Variants in NAV3 observed in about 807,000 individuals in gnomAD.
The protein encoded by NAV3 is pore membrane and/or filament interacting like protein 1.
Under a neutral mutation model 244.7 loss-of-function variants are expected in NAV3, and 87 were observed. The observed-to-expected ratio is 0.36, with a 90% CI of 0.30 to 0.42. The LOEUF (loss-of-function observed/expected upper bound fraction) is 0.42, where lower values mean the gene tolerates loss of function less well. Among genes scored for constraint, NAV3 ranks in the 20% least tolerant of loss-of-function variants. The pLI is 1.00. For synonymous variants in NAV3, 1,126 were observed against 1,042.2 expected, an observed-to-expected ratio of 1.08 and a Z score of -1.55; for missense variants, 2,663 against 2,893.3, an observed-to-expected ratio of 0.92 and a Z score of 1.83.
chr12:77,973,365 TA>T (rs201806926), intron 5 of NAV3, among the ~76,000 whole-genome samples: 1,612 of 151,372 alleles, frequency 0.011, 11 homozygotes, highest in Non-Finnish European at 0.018. Context: ...CTTTCTGAAT[TA>T]AAAAAAAATA....
intron 12 of NAV3, among the ~76,000 whole-genome samples, chr12:78,114,871 A>G (rs1290850616): frequency 1.3e-5 from 2 of 152,218 alleles, no homozygotes; most frequent in Non-Finnish European, 2.9e-5. Context: ...TGAATTATAA[A>G]TGTCATGGAT....
intron 2 of NAV3, among the ~76,000 whole-genome samples, chr12:77,753,199 AAATC>A (rs535866433): frequency 2.0e-3 from 309 of 152,332 alleles, no homozygotes; most frequent in Non-Finnish European, 3.7e-3. Flanking sequence ...TTTACCTGCC[AAATC>A]AATCCATGTA....
At chr12:77,708,329 T>G (rs1875934796) in intron 2 of NAV3, among the ~76,000 whole-genome samples, 1 of 152,170 alleles carries the variant, frequency 6.6e-6, no homozygotes, top group Non-Finnish European at 1.5e-5. Context: ...TTTCCCCATT[T>G]CTTGTTTTTG....
chr12:77,979,716 A>G (rs1168625423), intron 5 of NAV3, among the ~76,000 whole-genome samples: 3 of 150,628 alleles, frequency 2.0e-5, no homozygotes, highest in Admixed American at 6.6e-5. Context: ...AAAAAAGAAA[A>G]AAAAAAAAAA....
chr12:78,073,362 C>T lies in NAV3; in HGVS notation c.2636+14247C>T, dbSNP rs1043375823. ...AGTCTCAGGATACAAAATCAATGTA[C>T]AAAAATCACAAGCATTCTTATACAC... On this transcript the variant is annotated intron_variant, in intron 12 of 39. Coordinates refer to ENST00000397909, the MANE Select transcript of NAV3 (RefSeq NM_001024383.2). 3.4e-5 allele frequency among the ~76,000 whole-genome samples: 5 copies of T among 147,816 alleles called. No individual in the cohort carries two copies. In the South Asian group the frequency reaches 8.9e-4, roughly 26 times the overall value.
At chr12:77,645,822 A>T (rs188881856) in intron 2 of NAV3, among the ~76,000 whole-genome samples, 64 of 152,190 alleles carry the variant, frequency 4.2e-4, no homozygotes, top group Admixed American at 8.5e-4. Flanking sequence ...TTGTACCTTA[A>T]GGGAAAGCTC....
intron 5 of NAV3, among the ~76,000 whole-genome samples, chr12:77,982,128 T>C (rs944343717): frequency 6.6e-6 from 1 of 152,238 alleles, no homozygotes; most frequent in Admixed American, 6.5e-5. Context: ...AATACATCTA[T>C]TTAAAAATTA....
At chr12:77,875,964 C>A (rs954680292) in intron 1 of NAV3, among the ~76,000 whole-genome samples, 3 of 151,854 alleles carry the variant, frequency 2.0e-5, no homozygotes, top group Non-Finnish European at 1.5e-5. Flanking sequence ...GGTCCTCAGC[C>A]CTTTTCCAAG....
intron 1 of NAV3, among the ~76,000 whole-genome samples, chr12:77,841,910 A>G (rs1432262937): frequency 6.6e-6 from 1 of 152,242 alleles, no homozygotes; most frequent in African/African-American, 2.4e-5. Context: ...TTCATTGGTC[A>G]GAACTCAGTG....
intron 2 of NAV3, among the ~76,000 whole-genome samples, chr12:77,640,464 T>C (rs1319754945): frequency 6.6e-6 from 1 of 152,176 alleles, no homozygotes; most frequent in Non-Finnish European, 1.5e-5. Context: ...CATGCTACTC[T>C]GTGTTCCTAT....
intron 22 of NAV3, among the ~76,000 whole-genome samples, chr12:78,157,635 A>G (rs879809678): frequency 2.0e-5 from 3 of 152,094 alleles, no homozygotes; most frequent in Non-Finnish European, 2.9e-5. Flanking sequence ...TTCAGTTACT[A>G]GGTCTGATAT....
At chr12:78,067,099 CCAAGCAAA>C in intron 12 of NAV3, among the ~76,000 whole-genome samples, 1 of 152,190 alleles carries the variant, frequency 6.6e-6, no homozygotes, top group Admixed American at 6.6e-5. Context: ...TCCTAAGCCG[CCAAGCAAA>C]TATCTCTGGG....
intron 2 of NAV3, among the ~76,000 whole-genome samples, chr12:77,756,268 T>A (rs919648552): frequency 1.4e-4 from 21 of 152,200 alleles, no homozygotes; most frequent in Admixed American, 3.9e-4. Flanking sequence ...TTATGAAAAT[T>A]TGAAAATCAT....
At chr12:77,712,785 G>T (rs887650608) in intron 2 of NAV3, among the ~76,000 whole-genome samples, 1 of 152,182 alleles carries the variant, frequency 6.6e-6, no homozygotes, top group Non-Finnish European at 1.5e-5. Context: ...ACCAGATTTT[G>T]TGTAGAAACA....
Position 78,177,134 on chromosome 12 carries a change from G to C in NAV3, c.5125-7G>C, listed in dbSNP as rs1020462. The C allele has an allele frequency of 0.42, 677,162 of 1,612,016 alleles. 146,291 individuals carry two copies. The highest frequency in any genetic ancestry group is 0.6 in the Admixed American group (35,886 of 59,884). On this transcript the variant is annotated splice_polypyrimidine_tract_variant and splice_region_variant and intron_variant, in intron 26 of 39. Coordinates refer to ENST00000397909, the MANE Select transcript of NAV3 (RefSeq NM_001024383.2). The stretch of plus-strand genomic sequence containing the variant: ...GACAAGAAGGGTAATTTCTGTCCTT[G>C]TTTCAGCTGAGAAGTTCTTTCAAAC...
At chr12:77,682,093 A>C (rs1220202540) in intron 2 of NAV3, among the ~76,000 whole-genome samples, 2 of 152,018 alleles carry the variant, frequency 1.3e-5, no homozygotes, top group African/African-American at 4.8e-5. Context: ...CCTCCTAACC[A>C]AAATTTTGTG....
chr12:77,840,003 G>A (rs1408298501), intron 1 of NAV3, among the ~76,000 whole-genome samples: 4 of 152,200 alleles, frequency 2.6e-5, no homozygotes, highest in African/African-American at 9.6e-5. Flanking sequence ...AACCCAGGAG[G>A]TGGAGGTTGT....
At chr12:77,963,873 T>TTCCTTCCTTC (rs1565965315) in intron 3 of NAV3, among the ~76,000 whole-genome samples, 1 of 32,536 alleles carries the variant, frequency 3.1e-5, no homozygotes, top group Non-Finnish European at 5.2e-5. Flanking sequence ...CCCTCCCTCC[T>TTCCTTCCTTC]TCCTTCCTTC....
At chr12:78,070,698 C>T (rs911554274) in intron 12 of NAV3, among the ~76,000 whole-genome samples, 16 of 135,484 alleles carry the variant, frequency 1.2e-4, no homozygotes, top group Admixed American at 6.0e-4. Flanking sequence ...GCTATCCCTC[C>T]TCCCTCCCCC....
Sources: allele counts gnomAD v4.1 joint callset (sites outside exome capture counted in the v4.1 genomes callset), GRCh38; gene constraint gnomAD v4.1.1; transcripts MANE v1.5; gene names NCBI Gene and HGNC (gene_info 2026-07-23, HGNC 2026-07-21).